MPPED2: variants seen among roughly 807,000 people sequenced by gnomAD.
MPPED2 encodes the protein metallophosphoesterase domain containing 2.
A neutral mutation model predicts 33.0 loss-of-function variants in MPPED2; 5 were observed. The observed-to-expected ratio is 0.15, with a 90% CI of 0.08 to 0.32. The LOEUF is 0.32. Among genes scored for constraint, MPPED2 ranks in the 10% least tolerant of loss-of-function variants. The pLI is 1.00. For missense variants in MPPED2, 275 were observed against 372.1 expected, an observed-to-expected ratio of 0.74 and a Z score of 2.15; for synonymous variants, 136 against 141.9, an observed-to-expected ratio of 0.96 and a Z score of 0.29.
At chr11:30,470,205 G>A (rs576063) in intron 4 of MPPED2, among the ~76,000 whole-genome samples, 13,608 of 152,140 alleles carry the variant, frequency 0.089, 779 homozygotes, top group South Asian at 0.17. Context: ...TCTAATGTAA[G>A]AGGTTTTGGA....
intron 4 of MPPED2, among the ~76,000 whole-genome samples, chr11:30,424,836 C>A (rs575540409): frequency 1.6e-4 from 24 of 152,264 alleles, no homozygotes; most frequent in African/African-American, 5.5e-4. Context: ...AACTTCACAC[C>A]TTGTGCAGCA....
intron 4 of MPPED2, among the ~76,000 whole-genome samples, chr11:30,453,150 G>T (rs1950135824): frequency 6.6e-6 from 1 of 152,060 alleles, no homozygotes. Context: ...TAAGCCTCTG[G>T]TGACCACCAA....
chr11:30,417,576 G>C lies in MPPED2; in HGVS notation c.594C>G (p.Asp198Glu), dbSNP rs777355219. The change falls in exon 5 of 7, where the codon GAC becomes GAG. Residue 198 changes from aspartate (D) to glutamate (E), a missense_variant. Coordinates refer to ENST00000358117, the MANE Select transcript of MPPED2 (RefSeq NM_001584.3). Reference sequence around the variant, plus strand: ...TGCCCTCAGGGATGAGGTTCCACTTGTCCAGCAGAGACTGACCTCTGGGTA... The same window carrying C: ...TGCCCTCAGGGATGAGGTTCCACTTCTCCAGCAGAGACTGACCTCTGGGTA... The part of the protein sequence containing the change: ...FNLPRGQSLL[D>E]KWNLIPEGID... The C allele has an allele frequency of 3.7e-6, 6 of 1,613,446 alleles. No individual in the cohort carries two copies. In the Admixed American group the frequency reaches 8.3e-5, roughly 22 times the overall value.
At position 30,559,585 on chromosome 11, in the gene MPPED2, C is replaced by T. The variant is rs1168744432; in HGVS notation, c.128+20661G>A. Among the ~76,000 whole-genome samples, 3 of 152,116 alleles carry T rather than the reference C, an allele frequency of 2.0e-5. No homozygotes were observed. In the East Asian group the frequency reaches 5.8e-4, roughly 29 times the overall value. ...CCGAATGAAATGTTTTTCCTAGATACATTCTTTTAAATAATATGGGAACAC... is the reference window on the plus strand; with the variant it reads ...CCGAATGAAATGTTTTTCCTAGATATATTCTTTTAAATAATATGGGAACAC... On this transcript the variant is annotated intron_variant, in intron 2 of 6. Coordinates refer to ENST00000358117, the MANE Select transcript of MPPED2 (RefSeq NM_001584.3).
At chr11:30,496,571 T>G (rs1565125685) in intron 3 of MPPED2, among the ~76,000 whole-genome samples, 1 of 152,188 alleles carries the variant, frequency 6.6e-6, no homozygotes, top group Non-Finnish European at 1.5e-5. Context: ...AAATTAATGT[T>G]TCCTGCTATT....
At chr11:30,461,254 C>CATTAACGTTTGAAATAACGAAAATGA (rs1241268078) in intron 4 of MPPED2, among the ~76,000 whole-genome samples, 3 of 152,066 alleles carry the variant, frequency 2.0e-5, no homozygotes, top group Non-Finnish European at 4.4e-5. Context: ...TACCGAGTTT[C>CATTAACGTTTGAAATAACGAAAATGA]AGTTTGAAAT....
chr11:30,452,131 A>C, intron 4 of MPPED2: 1 of 980,768 alleles, frequency 1.0e-6, no homozygotes, highest in Non-Finnish European at 1.2e-6. Flanking sequence ...TCTACTTAAA[A>C]ATCTTCAAGG....
intron 3 of MPPED2, among the ~76,000 whole-genome samples, chr11:30,527,583 C>T (rs1346020888): frequency 1.3e-5 from 2 of 151,946 alleles, no homozygotes; most frequent in Non-Finnish European, 2.9e-5. Flanking sequence ...GGCCCTGCTG[C>T]CCTGCTTCTG....
chr11:30,488,673 C>A (rs1441883154), intron 4 of MPPED2, among the ~76,000 whole-genome samples: 1 of 152,200 alleles, frequency 6.6e-6, no homozygotes, highest in African/African-American at 2.4e-5. Context: ...CTGATCCGGG[C>A]TTTAAGAGCA....
intron 4 of MPPED2, among the ~76,000 whole-genome samples, chr11:30,421,474 G>GAA (rs36010780): frequency 4.2e-5 from 6 of 141,554 alleles, no homozygotes; most frequent in Admixed American, 7.1e-5. Context: ...TATATTCCAG[G>GAA]AAAAAAAAAA....
chr11:30,574,736 G>A (rs73463724), intron 2 of MPPED2, among the ~76,000 whole-genome samples: 14,006 of 152,010 alleles, frequency 0.092, 2,174 homozygotes, highest in African/African-American at 0.32. Context: ...TTACAGGCCA[G>A]GCATAAGGAC....
chr11:30,405,396 G>T (rs893713393), downstream of MPPED2, among the ~76,000 whole-genome samples: 1 of 152,150 alleles, frequency 6.6e-6, no homozygotes, highest in Non-Finnish European at 1.5e-5. Context: ...GATGGGAGGA[G>T]GCTCTCTGTG....
chr11:30,470,622 CTT>C (rs961561679), intron 4 of MPPED2, among the ~76,000 whole-genome samples: 1 of 152,088 alleles, frequency 6.6e-6, no homozygotes, highest in African/African-American at 2.4e-5. Flanking sequence ...CTCTACAAAA[CTT>C]TTTCTAAAAG....
At chr11:30,477,265 T>C (rs572590068) in intron 4 of MPPED2, among the ~76,000 whole-genome samples, 3 of 152,168 alleles carry the variant, frequency 2.0e-5, no homozygotes, top group Admixed American at 2.0e-4. Context: ...ATAACAATGG[T>C]AAATAGCAGT....
chr11:30,400,783 T>C (rs1189601252), intron 6 of MPPED2, among the ~76,000 whole-genome samples: 1 of 151,306 alleles, frequency 6.6e-6, no homozygotes, highest in Non-Finnish European at 1.5e-5. Context: ...TTTTTAGATA[T>C]AGCATCTTGC....
chr11:30,433,196 A>G (rs1949160407), intron 4 of MPPED2, among the ~76,000 whole-genome samples: 1 of 152,194 alleles, frequency 6.6e-6, no homozygotes, highest in Non-Finnish European at 1.5e-5. Flanking sequence ...ATGGTTAAAT[A>G]AGTTTGAGAA....
chr11:30,453,340 G>GGC (rs963994367), intron 4 of MPPED2, among the ~76,000 whole-genome samples: 10 of 152,132 alleles, frequency 6.6e-5, no homozygotes, highest in Admixed American at 6.5e-4. Flanking sequence ...ATCATCTATT[G>GGC]GCTCTCAAGC....
chr11:30,569,199 G>T (rs1299208127), intron 2 of MPPED2, among the ~76,000 whole-genome samples: 2 of 152,088 alleles, frequency 1.3e-5, no homozygotes, highest in Non-Finnish European at 2.9e-5. Context: ...CCACCACCGA[G>T]GGGCACAACG....
Position 30,577,073 on chromosome 11 carries a change from C to T in MPPED2, c.128+3173G>A, listed in dbSNP as rs370618375. Among the ~76,000 whole-genome samples the T allele has an allele frequency of 1.4e-3, 218 of 152,238 alleles. 1 individual carries two copies. The highest frequency in any genetic ancestry group is 5.1e-3 in the African/African-American group (210 of 41,548). ...ACTGGGTCTTATTTATTTTTGTTTCCTTAATAGCATCGCCTTGCAAATAAA... is the reference window on the plus strand; with the variant it reads ...ACTGGGTCTTATTTATTTTTGTTTCTTTAATAGCATCGCCTTGCAAATAAA... On this transcript the variant is annotated intron_variant, in intron 2 of 6. Coordinates refer to ENST00000358117, the MANE Select transcript of MPPED2 (RefSeq NM_001584.3).
Sources: gnomAD v4.1 joint callset for allele counts (sites outside exome capture counted in the v4.1 genomes callset) on GRCh38, gnomAD v4.1.1 for gene constraint, MANE v1.5 for transcripts, NCBI Gene and HGNC (gene_info 2026-07-23, HGNC 2026-07-21) for gene names.